Variants in EPB41L3 observed in about 807,000 individuals in gnomAD.
EPB41L3 encodes erythrocyte membrane protein band 4.1 like 3.
EPB41L3 carries 57 observed loss-of-function variants against 127.1 expected under a neutral mutation model. That is an observed-to-expected ratio of 0.45 (90% CI 0.36 to 0.56). EPB41L3 has a LOEUF of 0.56. Among genes scored for constraint, EPB41L3 ranks in the 20% least tolerant of loss-of-function variants. The pLI, the probability that EPB41L3 is intolerant of heterozygous loss-of-function variation, is 0.00. For synonymous variants in EPB41L3, 572 were observed against 549.5 expected, an observed-to-expected ratio of 1.04 and a Z score of -0.57; for missense variants, 1,273 against 1,372.2, an observed-to-expected ratio of 0.93 and a Z score of 1.14.
upstream of EPB41L3, among the ~76,000 whole-genome samples, chr18:5,545,295 T>C (rs960020663): frequency 7.9e-5 from 12 of 152,134 alleles, no homozygotes; most frequent in Non-Finnish European, 1.5e-5. Context: ...AAAAAATGGA[T>C]TCACAAAAAT....
rs540632962 is a variant in EPB41L3, at chr18:5,442,370, T to C, written c.529+1468A>G. 9.5e-4 allele frequency among the ~76,000 whole-genome samples: 144 copies of C among 152,298 alleles called. 2 individuals carry two copies. In the South Asian group the frequency reaches 0.015, roughly 16 times the overall value. ...GGATACATCAAATTTCCCTCAAACA[T>C]ACGGTAAAGATGTCTTAATTGTATA... is the stretch of plus-strand genomic sequence containing the variant. On this transcript the variant is annotated intron_variant, in intron 5 of 22. Coordinates refer to ENST00000341928, the MANE Select transcript of EPB41L3 (RefSeq NM_012307.5).
At chr18:5,620,665 C>T (rs956682251) in intron 1 of EPB41L3, among the ~76,000 whole-genome samples, 2 of 152,060 alleles carry the variant, frequency 1.3e-5, no homozygotes, top group Non-Finnish European at 2.9e-5. Flanking sequence ...CTACATCATC[C>T]GATCTTTTAA....
intron 1 of EPB41L3, among the ~76,000 whole-genome samples, chr18:5,627,280 A>G (rs1332410358): frequency 6.6e-6 from 1 of 152,192 alleles, no homozygotes; most frequent in Non-Finnish European, 1.5e-5. Context: ...TGTGAGCTTC[A>G]TATGGGCAGA....
chr18:5,567,624 G>GGAAGGAAA (rs1568585559), intron 3 of EPB41L3, among the ~76,000 whole-genome samples: 5 of 151,946 alleles, frequency 3.3e-5, no homozygotes, highest in African/African-American at 7.3e-5. Context: ...AAGGAAGGAA[G>GGAAGGAAA]GAAGGAAAGA....
chr18:5,596,687 T>A, intron 3 of EPB41L3, among the ~76,000 whole-genome samples: 1 of 152,204 alleles, frequency 6.6e-6, no homozygotes, highest in East Asian at 1.9e-4. Flanking sequence ...GTTGTTTTTC[T>A]TTTTCTTCCT....
At chr18:5,417,823 C>T (rs2077009607) in intron 12 of EPB41L3, among the ~76,000 whole-genome samples, 2 of 152,070 alleles carry the variant, frequency 1.3e-5, no homozygotes, top group South Asian at 4.1e-4. Context: ...CAGGAACCTG[C>T]ACAAATCTCA....
At chr18:5,518,342 C>G (rs555084769) in intron 1 of EPB41L3, among the ~76,000 whole-genome samples, 1 of 152,152 alleles carries the variant, frequency 6.6e-6, no homozygotes, top group African/African-American at 2.4e-5. Flanking sequence ...CCTCCCACCC[C>G]GTGTACTCCC....
intron 1 of EPB41L3, among the ~76,000 whole-genome samples, chr18:5,626,837 A>G (rs2094927989): frequency 2.6e-5 from 4 of 152,306 alleles, no homozygotes; most frequent in African/African-American, 9.6e-5. Context: ...ATTCCTCAAG[A>G]GGAAAGCATG....
chr18:5,449,233 T>A (rs1013226050), intron 3 of EPB41L3, among the ~76,000 whole-genome samples: 1 of 151,558 alleles, frequency 6.6e-6, no homozygotes, highest in African/African-American at 2.4e-5. Flanking sequence ...TGAAAAGATG[T>A]TCCAAATCAA....
In EPB41L3 at chr18:5,478,287, C is replaced by G; in HGVS notation, c.335G>C (p.Cys112Ser). The G allele has an allele frequency of 6.2e-7, 1 of 1,614,144 alleles. No homozygotes were observed. The highest frequency in any genetic ancestry group is 8.5e-7 in the Non-Finnish European group (1 of 1,180,018). The change falls in exon 3 of 23, where the codon TGC (cysteine) becomes TCC (serine). Residue 112 changes from cysteine to serine, a missense_variant. By Grantham distance (112) the Cys-to-Ser change is moderately radical. Coordinates refer to ENST00000341928, the MANE Select transcript of EPB41L3 (RefSeq NM_012307.5). Reference sequence around the variant, plus strand: ...TGATCCATCGAGAAGTATCACTTTGCACTGCATGCTTTTAGGCTTTTTGAC... The same window carrying G: ...TGATCCATCGAGAAGTATCACTTTGGACTGCATGCTTTTAGGCTTTTTGAC... ...KIVKKPKSMQ[C>S]KVILLDGSEY...
intron 3 of EPB41L3, among the ~76,000 whole-genome samples, chr18:5,580,655 T>C (rs928431378): frequency 5.9e-5 from 9 of 152,196 alleles, no homozygotes; most frequent in Admixed American, 3.9e-4. Context: ...CAGACATATG[T>C]ATAGACACAC....
intron 2 of EPB41L3, chr18:5,480,088 A>G (rs938139967): frequency 6.6e-6 from 1 of 152,228 alleles, no homozygotes; most frequent in African/African-American, 2.4e-5. Flanking sequence ...AACATTTTCT[A>G]TGTAACAGGG....
chr18:5,437,583 AAT>A (rs1346623588), intron 6 of EPB41L3, among the ~76,000 whole-genome samples: 1 of 152,206 alleles, frequency 6.6e-6, no homozygotes, highest in African/African-American at 2.4e-5. Flanking sequence ...CTAGAAAACA[AAT>A]TAATCATTTT....
chr18:5,401,185 C>T (rs2074438705), intron 16 of EPB41L3: 4 of 443,722 alleles, frequency 9.0e-6, no homozygotes, highest in Non-Finnish European at 1.6e-5. Context: ...TCATTTTCTT[C>T]CTGAAGGAGT....
At chr18:5,560,647 T>A (rs905612625) in intron 3 of EPB41L3, among the ~76,000 whole-genome samples, 1 of 152,138 alleles carries the variant, frequency 6.6e-6, no homozygotes, top group African/African-American at 2.4e-5. Context: ...AAACCGACAT[T>A]TGTTCAGGTA....
chr18:5,393,099 T>C lies in EPB41L3; in HGVS notation c.*386A>G, dbSNP rs2072665105. The C allele has an allele frequency of 5.3e-6, 1 of 187,356 alleles. No homozygotes were observed. Among genetic ancestry groups the C allele is most frequent in the Admixed American group, 6.1e-5 (1 of 16,424 alleles). 11.6% of individuals were successfully genotyped at this position (187,356 alleles called of 1,614,324 possible). A position where few individuals can be genotyped will look rare whatever the true frequency, so the allele number is the denominator to read the frequency against. The stretch of plus-strand genomic sequence containing the variant: ...TATAAGGTTACCTAAGAAATTGCAA[T>C]TTTGTTTAGACTTTAATAATAATAA... On this transcript the variant is annotated 3_prime_UTR_variant, in exon 23 of 23. Transcript: ENST00000341928.
chr18:5,566,773 T>TTCCATTCCATTCCATTCCATTCC (rs1568583953), intron 3 of EPB41L3, among the ~76,000 whole-genome samples: 1 of 127,670 alleles, frequency 7.8e-6, no homozygotes, highest in Non-Finnish European at 1.8e-5. Context: ...TATTCTATTC[T>TTCCATTCCATTCCATTCCATTCC]ATTCTATTCT....
In EPB41L3 at chr18:5,469,414, C is replaced by T. The variant is rs183483176; in HGVS notation, c.381+8827G>A. Reference sequence around the variant, plus strand: ...CCCAGAGCTGGTGCCTGTGCCAGTGCCTGGAGCTGTCTGCCCCGCCATAGC... The same window carrying T: ...CCCAGAGCTGGTGCCTGTGCCAGTGTCTGGAGCTGTCTGCCCCGCCATAGC... On this transcript the variant is annotated intron_variant, in intron 3 of 22. Coordinates refer to ENST00000341928, the MANE Select transcript of EPB41L3 (RefSeq NM_012307.5). Among the ~76,000 whole-genome samples, 332 of 152,296 alleles carry T rather than the reference C, an allele frequency of 2.2e-3. 1 individual carries two copies. The highest frequency in any genetic ancestry group is 3.9e-3 in the Admixed American group (60 of 15,304).
At chr18:5,577,564 TAACTGCAC>T (rs2094348810) in intron 3 of EPB41L3, 1 of 315,196 alleles carries the variant, frequency 3.2e-6, no homozygotes, top group African/African-American at 2.2e-5. Flanking sequence ...CAGGAAGCAA[TAACTGCAC>T]AGTATTTTAT....
Sources: gnomAD v4.1 joint callset for allele counts (sites outside exome capture counted in the v4.1 genomes callset) on GRCh38, gnomAD v4.1.1 for gene constraint, MANE v1.5 for transcripts, NCBI Gene and HGNC (gene_info 2026-07-23, HGNC 2026-07-21) for gene names.